Variants in ARID1A observed in about 807,000 individuals in gnomAD.
ARID1A encodes the protein AT-rich interactive domain-containing protein 1A.
Under a neutral mutation model 212.6 loss-of-function variants are expected in ARID1A, and 20 were observed. The ratio of observed to expected loss-of-function variants is 0.09; its 90% CI spans 0.07 to 0.14. The LOEUF (loss-of-function observed/expected upper bound fraction) is 0.14. Among genes scored for constraint, ARID1A ranks in the 10% least tolerant of loss-of-function variants. The pLI is 1.00. For missense variants in ARID1A, 2,587 were observed against 3,059.0 expected (o/e 0.85, Z 3.64); for synonymous variants, 1,376 against 1,222.1 (o/e 1.13, Z -2.63).
In ARID1A at chr1:26,731,282, C is replaced by T. The variant is rs2124788476; in HGVS notation, c.1481C>T (p.Pro494Leu). The T allele has an allele frequency of 1.9e-6, 3 of 1,613,966 alleles. No individual in the cohort carries two copies. Among genetic ancestry groups the T allele is most frequent in the East Asian group, 2.2e-5 (1 of 44,874 alleles). ...TCCCAGCAACCACCGTCCCAGACCCCTCATGCCCAACCTTCGTATCAGCAG... is the reference window on the plus strand; with the variant it reads ...TCCCAGCAACCACCGTCCCAGACCCTTCATGCCCAACCTTCGTATCAGCAG... ...PYSQQPPSQT[P>L]HAQPSYQQQP... Residue 494 changes from proline to leucine, a missense_variant, in exon 3 of 20, where the codon CCT becomes CTT. Coordinates refer to ENST00000324856, the MANE Select transcript of ARID1A (RefSeq NM_006015.6).
intron 7 of ARID1A, among the ~76,000 whole-genome samples, chr1:26,762,565 T>C (rs187749408): frequency 1.3e-5 from 2 of 152,334 alleles, no homozygotes; most frequent in Non-Finnish European, 2.9e-5. Flanking sequence ...AGATTAGGTG[T>C]TTACTCCACC....
intron 17 of ARID1A, 50 bp downstream of exon 17, chr1:26,773,948 C>G (rs1156618932): frequency 1.9e-6 from 3 of 1,578,430 alleles, no homozygotes; most frequent in Non-Finnish European, 1.7e-6. Flanking sequence ...GCCTTGAAAA[C>G]TAGTTAGTAA....
At chr1:26,715,935 G>A (rs190990411) in intron 1 of ARID1A, among the ~76,000 whole-genome samples, 20 of 152,016 alleles carry the variant, frequency 1.3e-4, no homozygotes, top group Middle Eastern at 6.8e-3. Context: ...GGCTGGGCGC[G>A]GTGGCTCACG....
intron 4 of ARID1A, among the ~76,000 whole-genome samples, chr1:26,741,487 T>C (rs1018543505): frequency 1.3e-5 from 2 of 152,116 alleles, no homozygotes; most frequent in South Asian, 2.1e-4. Context: ...CCCGCATGTG[T>C]ATAAGGCAGA....
chr1:26,759,423 G>A (rs912346845), intron 4 of ARID1A, among the ~76,000 whole-genome samples: 1 of 152,208 alleles, frequency 6.6e-6, no homozygotes, highest in East Asian at 1.9e-4. Flanking sequence ...GCCCAGGCTG[G>A]TCTCGAACTC....
At chr1:26,763,377 G>C (rs2081010396) in intron 8 of ARID1A, 92 bp downstream of exon 8, 1 of 1,364,118 alleles carries the variant, frequency 7.3e-7, no homozygotes, top group Non-Finnish European at 9.8e-7. Flanking sequence ...CTAAACCAGG[G>C]GGGGAAAATG....
rs189335593 is a variant in ARID1A at position 26,698,514 on chromosome 1, C to A, written c.1137+974C>A. Among the ~76,000 whole-genome samples the A allele has an allele frequency of 1.1e-4, 17 of 152,274 alleles. 2 individuals carry two copies. In the South Asian group the frequency reaches 3.3e-3, roughly 30 times the overall value. On this transcript the variant is annotated intron_variant, in intron 1 of 19. Coordinates refer to ENST00000324856, the MANE Select transcript of ARID1A (RefSeq NM_006015.6). ...AAGAGCAAAGCCTCAGACAGCCTGC[C>A]CTTGTTACATTGTGCCCAAACAAAA...
chr1:26,752,571 T>C (rs1335401278), intron 4 of ARID1A, among the ~76,000 whole-genome samples: 1 of 152,248 alleles, frequency 6.6e-6, no homozygotes, highest in Non-Finnish European at 1.5e-5. Flanking sequence ...AAGTAATTAA[T>C]TTTGTCTCAG....
At chr1:26,707,615 TTACAG>T (rs2080405808) in intron 1 of ARID1A, among the ~76,000 whole-genome samples, 1 of 152,118 alleles carries the variant, frequency 6.6e-6, no homozygotes, top group South Asian at 2.1e-4. Context: ...AGTGCTGGGA[TTACAG>T]GCGTGAGCCA....
chr1:26,739,167 A>G (rs976223788), intron 4 of ARID1A, among the ~76,000 whole-genome samples: 24 of 151,738 alleles, frequency 1.6e-4, no homozygotes, highest in Admixed American at 1.4e-3. Context: ...GATTACAGGC[A>G]TGAGCCACTG....
In ARID1A at chr1:26,775,138, G is replaced by T. The variant is rs1243837674; in HGVS notation, c.4911G>T (p.Arg1637=). ...CTGTGCAGCCCCCCATGATTCGGCG[G>T]GATATCACCTTCCCACCTGGCTCTG... ...PAPVQPPMIR[R]DITFPPGSVE... is the part of the protein sequence containing the mutation. Residue 1637 remains arginine, a synonymous_variant, in exon 18 of 20, where the codon CGG becomes CGT. Coordinates refer to ENST00000324856, the MANE Select transcript of ARID1A (RefSeq NM_006015.6). 1 of 1,613,824 alleles carries T rather than the reference G, an allele frequency of 6.2e-7. No individual in the cohort carries two copies. Among genetic ancestry groups the T allele is most frequent in the Non-Finnish European group, 8.5e-7 (1 of 1,179,946 alleles).
At chr1:26,715,313 G>A (rs2080492407) in intron 1 of ARID1A, among the ~76,000 whole-genome samples, 1 of 152,212 alleles carries the variant, frequency 6.6e-6, no homozygotes, top group African/African-American at 2.4e-5. Flanking sequence ...CCTGGGTAAA[G>A]CTCTGTAAGG....
At chr1:26,772,464 C>T (rs1432357181) in intron 12 of ARID1A, 36 bp from the exon 13 acceptor site, 1 of 1,613,582 alleles carries the variant, frequency 6.2e-7, no homozygotes, top group Admixed American at 1.7e-5. Context: ...CACTGTCATG[C>T]CAAGCAAACT....
Position 26,773,463 on chromosome 1 carries a change from A to G in ARID1A, c.3833A>G (p.His1278Arg). 6.2e-7 allele frequency: 1 copy of G among 1,613,624 alleles called. No homozygotes were observed. The highest frequency in any genetic ancestry group is 1.3e-5 in the African/African-American group (1 of 75,034). Residue 1278 changes from histidine (H) to arginine (R), a missense_variant, in exon 15 of 20, where the codon CAC becomes CGC. This residue lies in a region of ARID1A where 890 missense variants were observed against 1,098.2 expected (regional missense o/e 0.81). Coordinates refer to ENST00000324856, the MANE Select transcript of ARID1A (RefSeq NM_006015.6). ...AATGTGGCGATGGGACCACGACAGC[A>G]CTATCCCTATGGAGGTCCTTATGAC... ...LGNVAMGPRQ[H>R]YPYGGPYDRV...
At position 26,710,494 on chromosome 1, in the gene ARID1A, T is replaced by C. The variant is rs12563978; in HGVS notation, c.1137+12954T>C. Among the ~76,000 whole-genome samples the C allele has an allele frequency of 9.5e-3, 1,255 of 131,504 alleles. 12 individuals are homozygous for C. The highest frequency in any genetic ancestry group is 0.033 in the African/African-American group (1,093 of 32,758). 86.3% of individuals were successfully genotyped at this position (131,504 alleles called of 152,430 possible). A position where few individuals can be genotyped will look rare whatever the true frequency, so the allele number is the denominator to read the frequency against. On this transcript the variant is annotated intron_variant, in intron 1 of 19. Coordinates refer to ENST00000324856, the MANE Select transcript of ARID1A (RefSeq NM_006015.6). ...CCATCTCAAAAAATAAAATAATACA[T>C]ACACACACACACACACACACACACA...
At chr1:26,722,736 G>GTTAT (rs1184497973) in intron 1 of ARID1A, among the ~76,000 whole-genome samples, 1 of 152,182 alleles carries the variant, frequency 6.6e-6, no homozygotes, top group Non-Finnish European at 1.5e-5. Flanking sequence ...TGGTTCCTAG[G>GTTAT]TTATGAATGA....
intron 1 of ARID1A, among the ~76,000 whole-genome samples, chr1:26,713,212 T>C (rs937494012): frequency 6.6e-6 from 1 of 152,242 alleles, no homozygotes; most frequent in African/African-American, 2.4e-5. Flanking sequence ...TTTTCTTTTT[T>C]CCTTTTTCAT....
At chr1:26,750,950 C>G (rs2080878882) in intron 4 of ARID1A, among the ~76,000 whole-genome samples, 1 of 151,852 alleles carries the variant, frequency 6.6e-6, no homozygotes, top group Non-Finnish European at 1.5e-5. Context: ...AAAGTTATAG[C>G]AAGAGTAATT....
chr1:26,746,156 T>C (rs1020669688), intron 4 of ARID1A, among the ~76,000 whole-genome samples: 2 of 152,194 alleles, frequency 1.3e-5, no homozygotes, highest in Non-Finnish European at 2.9e-5. Context: ...AGGTTGAGAT[T>C]TCTAGATTTC....
Sources: allele counts gnomAD v4.1 joint callset (sites outside exome capture counted in the v4.1 genomes callset), GRCh38; gene constraint gnomAD v4.1.1; regional missense constraint gnomAD v4.1.1; transcripts MANE v1.5; gene names NCBI Gene and HGNC (gene_info 2026-07-23, HGNC 2026-07-21).